The following YBEY variants were observed in gnomAD, a reference collection of about 807,000 sequenced individuals.
The protein encoded by YBEY is endoribonuclease YbeY.
YBEY carries 15 observed loss-of-function variants against 13.5 expected under a neutral mutation model. The ratio of observed to expected loss-of-function variants is 1.11; its 90% CI spans 0.75 to 1.72. The LOEUF (loss-of-function observed/expected upper bound fraction) is 1.72, where lower values mean the gene tolerates loss of function less well. Among genes scored for constraint, YBEY ranks in the 40% most tolerant of loss-of-function variants. The probability of loss-of-function intolerance (pLI) is 0.00; values close to 1 mark genes in which losing one functional copy is unlikely to be tolerated. For synonymous variants in YBEY, 101 were observed against 83.1 expected (o/e 1.21, Z -1.17); for missense variants, 244 against 208.4 (o/e 1.17, Z -1.05).
intron 3 of YBEY, among the ~76,000 whole-genome samples, chr21:46,292,612 C>G (rs1477652490): frequency 8.6e-5 from 10 of 115,702 alleles, no homozygotes; most frequent in Non-Finnish European, 9.1e-5. Flanking sequence ...GTGCCCGGGA[C>G]TCAGTGGGGA....
chr21:46,309,023 A>T, the YBEY span, among the ~76,000 whole-genome samples: 2 of 152,120 alleles, frequency 1.3e-5, no homozygotes, highest in Non-Finnish European at 2.9e-5. Flanking sequence ...TTTCTCTATA[A>T]ATTACCCAGA....
chr21:46,302,133 T>G, downstream of YBEY: 1 of 1,510,262 alleles, frequency 6.6e-7, no homozygotes, highest in Non-Finnish European at 8.9e-7. Context: ...CGTGGGACCC[T>G]CGGGGGCACA....
At chr21:46,305,784 A>G in the YBEY span, among the ~76,000 whole-genome samples, 2 of 151,280 alleles carry the variant, frequency 1.3e-5, no homozygotes, top group Non-Finnish European at 3.0e-5. Flanking sequence ...CTAAAAATAC[A>G]AAAAAAAATT....
At chr21:46,304,506 A>G in the YBEY span, among the ~76,000 whole-genome samples, 1 of 152,048 alleles carries the variant, frequency 6.6e-6, no homozygotes, top group Admixed American at 6.6e-5. Flanking sequence ...AAAAACCTCA[A>G]AAAACAAAAA....
intron 2 of YBEY, among the ~76,000 whole-genome samples, chr21:46,288,683 GAAA>G (rs11420581): frequency 1.4e-4 from 18 of 131,622 alleles, no homozygotes; most frequent in Admixed American, 3.0e-4. Flanking sequence ...GTCTCAAAAA[GAAA>G]AAAAAAAAAA....
chr21:46,291,237 GT>G, intron 2 of YBEY, 96 bp from the exon 3 acceptor site: 1 of 1,332,870 alleles, frequency 7.5e-7, no homozygotes, highest in Non-Finnish European at 1.0e-6. Flanking sequence ...TCAGAGATAA[GT>G]GCTTATTTGC....
downstream of YBEY, chr21:46,300,805 G>C (rs1156453624): frequency 7.8e-7 from 1 of 1,286,434 alleles, no homozygotes; most frequent in Non-Finnish European, 1.0e-6. Flanking sequence ...CTAATAGGGG[G>C]TGAATGAAAG....
intron 4 of YBEY, 77 bp from the exon 5 acceptor site, chr21:46,297,462 A>C: frequency 7.9e-7 from 1 of 1,271,186 alleles, no homozygotes; most frequent in South Asian, 2.4e-5. Flanking sequence ...TGGGAGGGGC[A>C]TCCCGAGGAG....
Position 46,296,192 on chromosome 21 carries a change from C to G in YBEY, c.370C>G (p.Leu124Val). The part of the protein sequence containing the change: ...VTATHGLCHL[L>V]GFTHGTEAEW... Reference sequence around the variant, plus strand: ...GGCCACCCACGGACTCTGTCACTTGCTGGGATTCACACACGGCACGGAGGC... The same window carrying G: ...GGCCACCCACGGACTCTGTCACTTGGTGGGATTCACACACGGCACGGAGGC... Residue 124 changes from leucine to valine, a missense_variant, in exon 4 of 5, where the codon CTG becomes GTG. Transcript: ENST00000397701. 2 of 1,613,820 alleles carry G rather than the reference C, an allele frequency of 1.2e-6. No individual in the cohort carries two copies. The highest frequency in any genetic ancestry group is 2.2e-5 in the East Asian group (1 of 44,848).
intron 3 of YBEY, 162 bp downstream of exon 3, chr21:46,291,624 G>T: frequency 4.2e-6 from 6 of 1,436,892 alleles, no homozygotes; most frequent in Middle Eastern, 2.0e-4. Flanking sequence ...GGCTGGGTAG[G>T]GACTGCATGC....
chr21:46,291,664 C>T lies in YBEY; in HGVS notation c.339+202C>T, dbSNP rs1057189643. On this transcript the variant is annotated intron_variant, in intron 3 of 4. Coordinates refer to ENST00000397701, the MANE Select transcript of YBEY (RefSeq NM_001314025.2). ...TGCCACAGTTGAAGGAGGGAGAGAA[C>T]ACGCTGTGAAAACACAGAAGCTCCC... The T allele has an allele frequency of 2.3e-5, 31 of 1,358,684 alleles. No individual in the cohort carries two copies. The South Asian group carries it at 3.2e-4, about 14-fold the overall frequency. 84.2% of individuals were successfully genotyped at this position (1,358,684 alleles called of 1,614,324 possible). A position where few individuals can be genotyped will look rare whatever the true frequency, so the allele number is the denominator to read the frequency against.
chr21:46,311,019 C>A, the YBEY span, among the ~76,000 whole-genome samples: 1 of 151,668 alleles, frequency 6.6e-6, no homozygotes, highest in Non-Finnish European at 1.5e-5. Flanking sequence ...TTACAGGCAT[C>A]CATCACCATG....
intron 1 of YBEY, chr21:46,286,663 C>T (rs2081447649): frequency 3.2e-6 from 1 of 312,716 alleles, no homozygotes; most frequent in Middle Eastern, 8.8e-4. Flanking sequence ...TCCTTCCGCT[C>T]CGCCCGCCTG....
the YBEY span, among the ~76,000 whole-genome samples, chr21:46,303,307 C>G: frequency 6.6e-6 from 1 of 152,040 alleles, no homozygotes; most frequent in Non-Finnish European, 1.5e-5. Flanking sequence ...CCCCTGCACT[C>G]TAGCCTGGGT....
At chr21:46,298,984 A>C (rs1224800733), downstream of YBEY, among the ~76,000 whole-genome samples, 1 of 151,220 alleles carries the variant, frequency 6.6e-6, no homozygotes, top group Non-Finnish European at 1.5e-5. Flanking sequence ...AGCCTCCCAA[A>C]GTGCTGGGAT....
At chr21:46,292,163 A>C (rs1331282219) in intron 3 of YBEY, 1 of 152,246 alleles carries the variant, frequency 6.6e-6, no homozygotes, top group Non-Finnish European at 1.5e-5. Flanking sequence ...GGTTGCCAGA[A>C]CTCAAAAGTC....
At chr21:46,302,110 T>G (rs1416860270), downstream of YBEY, 1 of 1,525,676 alleles carries the variant, frequency 6.6e-7, no homozygotes, top group Non-Finnish European at 8.8e-7. Context: ...CAGGCAGCCT[T>G]GGCCTGGCAG....
intron 1 of YBEY, 192 bp from the exon 2 acceptor site, chr21:46,286,678 C>T (rs2081448788): frequency 6.3e-6 from 2 of 317,430 alleles, no homozygotes; most frequent in East Asian, 6.2e-5. Flanking sequence ...CGCCTGGAGT[C>T]CTTCTGGCCG....
At chr21:46,302,664 G>A (rs1974171), downstream of YBEY, 213 of 965,532 alleles carry the variant, frequency 2.2e-4, 3 homozygotes, top group Middle Eastern at 6.5e-4. Context: ...CCAGAGAACA[G>A]GTGTGTCTGT....
Sources: gnomAD v4.1 joint callset for allele counts (sites outside exome capture counted in the v4.1 genomes callset) on GRCh38, gnomAD v4.1.1 for gene constraint, MANE v1.5 for transcripts, NCBI Gene and HGNC (gene_info 2026-07-23, HGNC 2026-07-21) for gene names.